Variants in COL18A1 observed in about 807,000 individuals in gnomAD.
The protein encoded by COL18A1 is collagen type XVIII alpha 1 chain.
In COL18A1, 133 loss-of-function variants were observed where a neutral mutation model predicts 168.0. That is an observed-to-expected ratio of 0.79 (90% CI 0.69 to 0.91). The LOEUF is 0.91. Ranked by LOEUF, COL18A1 falls within the 40% of genes least tolerant of loss-of-function variation. The pLI, the probability that COL18A1 is intolerant of heterozygous loss-of-function variation, is 0.00. For synonymous variants in COL18A1, 949 were observed against 809.0 expected (o/e 1.17, Z -2.94); for missense variants, 2,126 against 1,925.4 (o/e 1.10, Z -1.95).
chr21:45,441,784 A>G (rs912466909), intron 2 of COL18A1, among the ~76,000 whole-genome samples: 2 of 152,232 alleles, frequency 1.3e-5, no homozygotes, highest in Admixed American at 6.5e-5. Context: ...CTGATATGCA[A>G]CTATTTCCAG....
At position 45,491,211 on chromosome 21, in the gene COL18A1, GCCT is replaced by G; in HGVS notation, c.2068-9_2068-7del. The G allele has an allele frequency of 6.2e-7, 1 of 1,606,876 alleles. No individual in the cohort carries two copies. Among genetic ancestry groups the G allele is most frequent in the Non-Finnish European group, 8.5e-7 (1 of 1,174,712 alleles). On this transcript the variant is annotated splice_polypyrimidine_tract_variant and intron_variant, in intron 21 of 41. Transcript: ENST00000651438. ...GTTGAGATGAAATGCCGGACGCGTG[GCCT>G]CCTCTTCCAGGGAGATCCAGGGAAG...
rs754307576 is a variant in COL18A1 at position 45,443,417 on chromosome 21, C to T, written c.107-24825C>T. On this transcript the variant is annotated intron_variant, in intron 2 of 41. Coordinates refer to ENST00000651438, the MANE Select transcript of COL18A1 (RefSeq NM_001379500.1). This position sits in a 1 kb window ranked among gnomAD's most constrained non-coding sequence, Gnocchi z 5.2. Reference sequence around the variant, plus strand: ...GCCTTCACCAGCTTGAAAGGCCGCCCGTGCCTTTCCTCCTTGGCCCTCACA... The same window carrying T: ...GCCTTCACCAGCTTGAAAGGCCGCCTGTGCCTTTCCTCCTTGGCCCTCACA... Among the ~76,000 whole-genome samples the T allele has an allele frequency of 2.6e-5, 4 of 152,156 alleles. No homozygotes were observed. Among genetic ancestry groups the T allele is most frequent in the East Asian group, 1.9e-4 (1 of 5,174 alleles).
chr21:45,507,672 A>ACGTGTTGTTCCTC, intron 38 of COL18A1, 79 bp downstream of exon 38: 1 of 1,372,250 alleles, frequency 7.3e-7, no homozygotes, highest in Non-Finnish European at 1.0e-6. Flanking sequence ...TTTGAGGAAC[A>ACGTGTTGTTCCTC]ACACGTGGTC....
Position 45,437,826 on chromosome 21 carries a change from ACT to A in COL18A1, c.107-30414_107-30413del, listed in dbSNP as rs149489931. Among the ~76,000 whole-genome samples, 193 of 64,008 alleles carry A rather than the reference ACT, an allele frequency of 3.0e-3. 29 individuals carry two copies. The highest frequency in any genetic ancestry group is 2.8e-3 in the Non-Finnish European group (106 of 37,848). 42.0% of individuals were successfully genotyped at this position (64,008 alleles called of 152,430 possible). ...CAGGCACTCTCCTGCACACACTCAC[ACT>A]CAGACAAGCACTCTCCTGCACACAC... On this transcript the variant is annotated intron_variant, in intron 2 of 41. Coordinates refer to ENST00000651438, the MANE Select transcript of COL18A1 (RefSeq NM_001379500.1).
chr21:45,493,287 C>A (rs1182502445), intron 25 of COL18A1, 62 bp downstream of exon 25: 1 of 1,522,494 alleles, frequency 6.6e-7, no homozygotes, highest in Admixed American at 2.0e-5. Context: ...TCCAGCCTGC[C>A]CAGATGACCA....
intron 40 of COL18A1, 88 bp downstream of exon 40, chr21:45,510,349 GC>G: frequency 7.2e-7 from 1 of 1,380,834 alleles, no homozygotes. Context: ...CCCCTCTAGG[GC>G]CTCTGGAGGC....
chr21:45,462,708 A>G (rs1056851848), intron 2 of COL18A1, among the ~76,000 whole-genome samples: 1 of 152,122 alleles, frequency 6.6e-6, no homozygotes, highest in African/African-American at 2.4e-5. Context: ...AGTCATTTTA[A>G]AGTCTTTGTC....
chr21:45,476,092 CCT>C (rs2035638551), intron 5 of COL18A1, among the ~76,000 whole-genome samples: 1 of 152,140 alleles, frequency 6.6e-6, no homozygotes, highest in Non-Finnish European at 1.5e-5. Context: ...CCCAGCATGG[CCT>C]GTCGGGCGCC....
rs1021963140 is a variant in COL18A1 at position 45,476,869 on chromosome 21, T to C, written c.928+389T>C. On this transcript the variant is annotated intron_variant, in intron 6 of 41. Transcript: ENST00000651438. ...ATGTGTAGTGTGCGTATTGTGTGTA[T>C]GTGTGTGATGTGCATGTGTAATGTA... Among the ~76,000 whole-genome samples, 4 of 151,188 alleles carry C rather than the reference T, an allele frequency of 2.6e-5. No individual in the cohort carries two copies. In the East Asian group the frequency reaches 5.8e-4, roughly 22 times the overall value.
intron 2 of COL18A1, chr21:45,456,828 C>G: frequency 6.6e-7 from 1 of 1,520,434 alleles, no homozygotes; most frequent in Non-Finnish European, 8.8e-7. Context: ...GTCGCCTGTG[C>G]CTCGCTCCCG....
At chr21:45,445,861 T>C (rs1390382978) in intron 2 of COL18A1, among the ~76,000 whole-genome samples, 2 of 152,234 alleles carry the variant, frequency 1.3e-5, no homozygotes, top group African/African-American at 4.8e-5. Context: ...TCCTCACATA[T>C]ATGATTCGCA....
intron 24 of COL18A1, 74 bp from the exon 25 acceptor site, chr21:45,493,089 G>A (rs2036412576): frequency 1.4e-6 from 2 of 1,428,546 alleles, no homozygotes; most frequent in South Asian, 1.2e-5. Flanking sequence ...GCAGCTGTCG[G>A]GGGAGATGGA....
At chr21:45,487,338 C>A in intron 16 of COL18A1, 109 bp from the exon 17 acceptor site, 1 of 1,312,084 alleles carries the variant, frequency 7.6e-7, no homozygotes, top group Non-Finnish European at 1.1e-6. Flanking sequence ...CCCAGGCCAC[C>A]GTGGCCCCAA....
intron 26 of COL18A1, 167 bp downstream of exon 26, chr21:45,493,742 T>C: frequency 3.2e-6 from 2 of 618,154 alleles, no homozygotes; most frequent in East Asian, 2.8e-5. Flanking sequence ...CTCGCACCCA[T>C]GTCGGCGGTT....
At chr21:45,476,927 G>T (rs553699346) in intron 6 of COL18A1, among the ~76,000 whole-genome samples, 295 of 147,868 alleles carry the variant, frequency 2.0e-3, no homozygotes, top group Admixed American at 4.4e-3. Flanking sequence ...TGTTTTGTGT[G>T]TGTGTGTGTG....
intron 36 of COL18A1, 90 bp from the exon 37 acceptor site, chr21:45,505,748 C>A (rs944408697): frequency 1.8e-6 from 2 of 1,094,010 alleles, no homozygotes; most frequent in African/African-American, 3.1e-5. Context: ...GCGGCCCCTG[C>A]CCAGCACCCT....
At chr21:45,487,346 C>G (rs2036150499) in intron 16 of COL18A1, 101 bp from the exon 17 acceptor site, 1 of 1,407,238 alleles carries the variant, frequency 7.1e-7, no homozygotes, top group Non-Finnish European at 9.9e-7. Context: ...ACCGTGGCCC[C>G]AAAGCATGTC....
At chr21:45,492,514 T>C in intron 22 of COL18A1, 21 bp from the exon 23 acceptor site, 1 of 1,613,530 alleles carries the variant, frequency 6.2e-7, no homozygotes, top group Non-Finnish European at 8.5e-7. Context: ...GTTTCCGATT[T>C]TTCCTTTTGC....
chr21:45,498,973 C>T lies in COL18A1; in HGVS notation c.2683+1312C>T, dbSNP rs2036642932. ...CGTGGGATTGCTTGTCCCTGGGAGC[C>T]AGAACGAGGGCTCCGAGGGCTCTAG... On this transcript the variant is annotated intron_variant, in intron 32 of 41. Transcript: ENST00000651438. The surrounding 1 kb of genome is among the most constrained non-coding windows in gnomAD (Gnocchi z 4.5). Among the ~76,000 whole-genome samples, 1 of 152,120 alleles carries T rather than the reference C, an allele frequency of 6.6e-6. No individual in the cohort carries two copies. Among genetic ancestry groups the T allele is most frequent in the South Asian group, 2.1e-4 (1 of 4,822 alleles).
Sources: allele counts gnomAD v4.1 joint callset (sites outside exome capture counted in the v4.1 genomes callset), GRCh38; gene constraint gnomAD v4.1.1; non-coding constraint Gnocchi (gnomAD v3.1); transcripts MANE v1.5; gene names NCBI Gene and HGNC (gene_info 2026-07-23, HGNC 2026-07-21).